SIN3A: variants seen among roughly 807,000 people sequenced by gnomAD.
SIN3A encodes SIN3 transcription regulator family member A.
SIN3A carries 14 observed loss-of-function variants against 146.1 expected under a neutral mutation model. That is an observed-to-expected ratio of 0.10 (90% CI 0.06 to 0.15). SIN3A has a LOEUF of 0.15. SIN3A is among the 10% of genes least tolerant of loss of function. The pLI, the probability that SIN3A is intolerant of heterozygous loss-of-function variation, is 1.00. For missense variants in SIN3A, 1,028 were observed against 1,576.0 expected, an observed-to-expected ratio of 0.65 and a Z score of 5.89; for synonymous variants, 572 against 572.0, an observed-to-expected ratio of 1.00 and a Z score of 0.00.
In SIN3A at chr15:75,382,396, A is replaced by G. The variant is rs566792319; in HGVS notation, c.3196-691T>C. 1.2e-4 allele frequency among the ~76,000 whole-genome samples: 18 copies of G among 152,344 alleles called. No individual in the cohort carries two copies. In the South Asian group the frequency reaches 3.7e-3, roughly 32 times the overall value. On this transcript the variant is annotated intron_variant, in intron 17 of 20. Coordinates refer to ENST00000394947, the MANE Select transcript of SIN3A (RefSeq NM_001145358.2). The stretch of plus-strand genomic sequence containing the variant: ...TGGGGGCAGACCCTGCATTTTCACA[A>G]TTTATAATTTAAGAATTGCAAAATC...
intron 1 of SIN3A, among the ~76,000 whole-genome samples, chr15:75,438,708 C>T (rs1468426698): frequency 6.6e-6 from 1 of 151,980 alleles, no homozygotes; most frequent in Non-Finnish European, 1.5e-5. Context: ...AAAGTCTATC[C>T]TGGTCAGTTT....
At chr15:75,411,795 CAAGGA>C (rs765339790) in intron 5 of SIN3A, 52 bp from the exon 6 acceptor site, 27 of 1,513,068 alleles carry the variant, frequency 1.8e-5, no homozygotes, top group Non-Finnish European at 2.4e-5. Flanking sequence ...TGAGTTGATA[CAAGGA>C]AAGTTCAAAC....
chr15:75,424,950 A>G (rs190165494), intron 2 of SIN3A, among the ~76,000 whole-genome samples: 26 of 152,338 alleles, frequency 1.7e-4, no homozygotes, highest in Non-Finnish European at 2.6e-4. Context: ...TCTGAAAAAA[A>G]AGTTCATAAT....
At chr15:75,432,198 A>G (rs1453983905) in intron 1 of SIN3A, among the ~76,000 whole-genome samples, 1 of 152,236 alleles carries the variant, frequency 6.6e-6, no homozygotes, top group Non-Finnish European at 1.5e-5. Context: ...GTTATTTGCC[A>G]CTAATCAACT....
At chr15:75,452,709 A>G (rs1221331494), upstream of SIN3A, among the ~76,000 whole-genome samples, 1 of 152,250 alleles carries the variant, frequency 6.6e-6, no homozygotes, top group African/African-American at 2.4e-5. Context: ...AGCGTGAGGC[A>G]CAAGGTACTC....
rs1158493284 is a variant in SIN3A, at chr15:75,451,613, A to T, written c.-224T>A. 1 of 115,324 alleles carries T rather than the reference A, an allele frequency of 8.7e-6. No individual in the cohort carries two copies. The highest frequency in any genetic ancestry group is 1.8e-5 in the Non-Finnish European group (1 of 55,234). 7.1% of individuals were successfully genotyped at this position (115,324 alleles called of 1,614,324 possible). ...AGGAGGGAGGGAGGGAGGGAGGGAA[A>T]CTCCGAGGGGGGAAGGGGAGGGGGG... On this transcript the variant is annotated 5_prime_UTR_variant, in exon 1 of 21. Coordinates refer to ENST00000394947, the MANE Select transcript of SIN3A (RefSeq NM_001145358.2).
rs995176433 is a variant in SIN3A, at chr15:75,402,448, G to A, written c.1408-478C>T. The stretch of plus-strand genomic sequence containing the variant: ...TAAGATTATCACTTGAACCCTGGAG[G>A]CAGACGTTGCAGTGAGCTGGGATAA... On this transcript the variant is annotated intron_variant, in intron 9 of 20. Coordinates refer to ENST00000394947, the MANE Select transcript of SIN3A (RefSeq NM_001145358.2). Among the ~76,000 whole-genome samples the A allele has an allele frequency of 1.4e-4, 21 of 152,018 alleles. 2 individuals are homozygous for A. Among genetic ancestry groups the A allele is most frequent in the Admixed American group, 1.1e-3 (17 of 15,274 alleles).
At position 75,411,833 on chromosome 15, in the gene SIN3A, G is replaced by A. The variant is rs1044707225; in HGVS notation, c.757-90C>T. 36 of 1,370,098 alleles carry A rather than the reference G, an allele frequency of 2.6e-5. No individual in the cohort carries two copies. In the Admixed American group the frequency reaches 3.0e-4, roughly 11 times the overall value. 84.9% of individuals were successfully genotyped at this position (1,370,098 alleles called of 1,614,324 possible). A position where few individuals can be genotyped will look rare whatever the true frequency, so the allele number is the denominator to read the frequency against. ...AACTAAAGAGAAACAAGGTGTCAAC[G>A]TATATCCTTTATTTACTCACTCAGG... On this transcript the variant is annotated intron_variant, in intron 5 of 20. Coordinates refer to ENST00000394947, the MANE Select transcript of SIN3A (RefSeq NM_001145358.2).
Position 75,369,383 on chromosome 15 carries a change from C to A in SIN3A, c.*2596G>T, listed in dbSNP as rs1371481340. The stretch of plus-strand genomic sequence containing the variant: ...AACAAAAAAAAATACACAAGATTAG[C>A]CCTGATATTTTAATGGAAATACTGA... On this transcript the variant is annotated 3_prime_UTR_variant, in exon 21 of 21. Transcript: ENST00000394947. 6.6e-6 allele frequency: 1 copy of A among 151,884 alleles called. No individual in the cohort carries two copies. Among genetic ancestry groups the A allele is most frequent in the Non-Finnish European group, 1.5e-5 (1 of 68,006 alleles). The allele number at this position is 151,884 out of a possible 1,614,324, so 9.4% of individuals were successfully genotyped here.
At chr15:75,386,734 G>A (rs2073090385) in intron 16 of SIN3A, among the ~76,000 whole-genome samples, 1 of 152,232 alleles carries the variant, frequency 6.6e-6, no homozygotes, top group Non-Finnish European at 1.5e-5. Context: ...CTTCCATGGT[G>A]TGGTCCTATT....
Position 75,409,832 on chromosome 15 carries a change from T to C in SIN3A, c.1317+4A>G. 2 of 1,611,986 alleles carry C rather than the reference T, an allele frequency of 1.2e-6. No individual in the cohort carries two copies. Among genetic ancestry groups the C allele is most frequent in the Middle Eastern group, 2.1e-4 (1 of 4,720 alleles). ...CAAAATGAGCAGCTGCTGCCCATTCTCACCTTAACTGGAGGGGTGGTTCCT... is the reference window on the plus strand; with the variant it reads ...CAAAATGAGCAGCTGCTGCCCATTCCCACCTTAACTGGAGGGGTGGTTCCT... On this transcript the variant is annotated splice_donor_region_variant and intron_variant, in intron 8 of 20. Transcript: ENST00000394947.
intron 12 of SIN3A, 55 bp downstream of exon 12, chr15:75,399,985 G>T: frequency 2.1e-6 from 2 of 946,508 alleles, no homozygotes; most frequent in Non-Finnish European, 3.5e-6. Flanking sequence ...GGTACTGATA[G>T]TCTCACTGAG....
At chr15:75,389,561 A>G in intron 16 of SIN3A, 91 bp downstream of exon 16, 1 of 1,229,250 alleles carries the variant, frequency 8.1e-7, no homozygotes, top group Non-Finnish European at 1.2e-6. Flanking sequence ...ACACTGTTAT[A>G]TGAAAAAGTT....
chr15:75,407,180 G>A (rs375006302), intron 8 of SIN3A, 36 bp from the exon 9 acceptor site: 40 of 1,408,838 alleles, frequency 2.8e-5, no homozygotes, highest in African/African-American at 1.7e-4. Context: ...GAGATTCAAC[G>A]AGTGGTTTTC....
At chr15:75,426,572 T>C (rs754030567) in intron 2 of SIN3A, among the ~76,000 whole-genome samples, 3 of 152,176 alleles carry the variant, frequency 2.0e-5, no homozygotes, top group Non-Finnish European at 4.4e-5. Flanking sequence ...ATATCCACTA[T>C]ATATTAAATG....
At chr15:75,387,659 G>A (rs1026449442) in intron 16 of SIN3A, among the ~76,000 whole-genome samples, 38 of 149,610 alleles carry the variant, frequency 2.5e-4, no homozygotes, top group Admixed American at 3.4e-4. Flanking sequence ...CTATTGTTTC[G>A]AAAACCAACC....
At chr15:75,376,859 T>TAAAAAAAAA (rs200318256) in intron 19 of SIN3A, among the ~76,000 whole-genome samples, 1 of 115,808 alleles carries the variant, frequency 8.6e-6, no homozygotes, top group Non-Finnish European at 1.8e-5. Flanking sequence ...GACACTGTCT[T>TAAAAAAAAA]AAAAAAAAAA....
At chr15:75,428,698 TG>T (rs1567399258) in intron 2 of SIN3A, among the ~76,000 whole-genome samples, 1 of 152,120 alleles carries the variant, frequency 6.6e-6, no homozygotes, top group Non-Finnish European at 1.5e-5. Flanking sequence ...GGGCTTGCTA[TG>T]TTGCCCAGGC....
chr15:75,422,865 A>G (rs1177778737), intron 2 of SIN3A, 42 bp from the exon 3 acceptor site: 1 of 1,574,488 alleles, frequency 6.4e-7, no homozygotes, highest in Non-Finnish European at 8.7e-7. Flanking sequence ...CAAGGCTTGT[A>G]CATTCTTCCC....
Sources: gnomAD v4.1 joint callset for allele counts (sites outside exome capture counted in the v4.1 genomes callset) on GRCh38, gnomAD v4.1.1 for gene constraint, MANE v1.5 for transcripts, NCBI Gene and HGNC (gene_info 2026-07-23, HGNC 2026-07-21) for gene names.